The following ARID4B variants were observed in gnomAD, a reference collection of about 807,000 sequenced individuals.
ARID4B encodes the protein AT-rich interactive domain-containing protein 4B.
A neutral mutation model predicts 147.5 loss-of-function variants in ARID4B; 26 were observed. The ratio of observed to expected loss-of-function variants is 0.18; its 90% CI spans 0.13 to 0.24. The LOEUF (loss-of-function observed/expected upper bound fraction) is 0.24. ARID4B is among the 10% of genes least tolerant of loss of function. The probability of loss-of-function intolerance (pLI) is 1.00; values close to 1 mark genes in which losing one functional copy is unlikely to be tolerated. For synonymous variants in ARID4B, 512 were observed against 507.9 expected (o/e 1.01, Z -0.11); for missense variants, 1,179 against 1,511.5 (o/e 0.78, Z 3.65).
intron 19 of ARID4B, among the ~76,000 whole-genome samples, chr1:235,193,181 G>A (rs1665243315): frequency 6.6e-6 from 1 of 152,044 alleles, no homozygotes; most frequent in East Asian, 1.9e-4. Flanking sequence ...CCAATTGCTT[G>A]AGCCTAGGAG....
chr1:235,254,142 T>G (rs764203424), intron 5 of ARID4B, among the ~76,000 whole-genome samples: 6 of 152,156 alleles, frequency 3.9e-5, no homozygotes, highest in Non-Finnish European at 8.8e-5. Context: ...GTCTTCTCAC[T>G]TACATAAAGT....
At chr1:235,220,010 T>A in intron 15 of ARID4B, 42 bp from the exon 16 acceptor site, 1 of 1,333,862 alleles carries the variant, frequency 7.5e-7, no homozygotes, top group Non-Finnish European at 1.0e-6. Context: ...AAAGTAAAAA[T>A]TTTCAACCTA....
intron 2 of ARID4B, among the ~76,000 whole-genome samples, chr1:235,267,852 C>T (rs935723287): frequency 2.0e-5 from 3 of 151,158 alleles, no homozygotes; most frequent in South Asian, 2.1e-4. Context: ...TGCAGTGAGC[C>T]GAGATCGAGT....
intron 2 of ARID4B, among the ~76,000 whole-genome samples, chr1:235,265,934 C>A (rs1031276963): frequency 1.3e-5 from 2 of 151,782 alleles, no homozygotes; most frequent in Non-Finnish European, 2.9e-5. Flanking sequence ...ACCTGGGAGG[C>A]AATTGTTTTT....
At chr1:235,252,930 A>T (rs1669733632) in intron 5 of ARID4B, 121 bp from the exon 6 acceptor site, 1 of 671,310 alleles carries the variant, frequency 1.5e-6, no homozygotes, top group Admixed American at 3.5e-5. Context: ...TTTGGAATTC[A>T]ATTCACATTT....
chr1:235,185,826 CCTTT>C (rs1451038291), intron 19 of ARID4B, among the ~76,000 whole-genome samples: 2 of 152,062 alleles, frequency 1.3e-5, no homozygotes, highest in Non-Finnish European at 1.5e-5. Context: ...GTTTCTCATT[CCTTT>C]GTGGTGATTT....
intron 2 of ARID4B, among the ~76,000 whole-genome samples, chr1:235,303,884 G>A (rs1377613264): frequency 3.3e-5 from 5 of 152,082 alleles, no homozygotes; most frequent in African/African-American, 1.2e-4. Context: ...TGGTTATTTG[G>A]AGACATTTAG....
chr1:235,220,008 A>C, intron 15 of ARID4B, 40 bp from the exon 16 acceptor site: 1 of 1,356,912 alleles, frequency 7.4e-7, no homozygotes, highest in South Asian at 1.5e-5. Flanking sequence ...CAAAAGTAAA[A>C]ATTTTCAACC....
At chr1:235,325,217 T>A (rs1675136876) in intron 2 of ARID4B, among the ~76,000 whole-genome samples, 1 of 152,132 alleles carries the variant, frequency 6.6e-6, no homozygotes, top group African/African-American at 2.4e-5. Context: ...AAAAGCACCT[T>A]TTTAAAAAAT....
chr1:235,231,017 T>C, intron 10 of ARID4B, 96 bp downstream of exon 10: 2 of 847,336 alleles, frequency 2.4e-6, no homozygotes, highest in Non-Finnish European at 3.7e-6. Context: ...AAACATAATT[T>C]AAAGAAAAAT....
At position 235,180,137 on chromosome 1, in the gene ARID4B, CTTTT is replaced by C. The variant is rs1166842959; in HGVS notation, c.3334+1444_3334+1447del. The C allele has an allele frequency of 5.7e-3, 562 of 98,464 alleles. 7 individuals carry two copies. The highest frequency in any genetic ancestry group is 7.1e-3 in the Middle Eastern group (1 of 140). 6.1% of individuals were successfully genotyped at this position (98,464 alleles called of 1,614,324 possible). A position where few individuals can be genotyped will look rare whatever the true frequency, so the allele number is the denominator to read the frequency against. ...TTTTTTCTTTCTTTTCTTGTTTTTT[CTTTT>C]TTTTTTTTTTTTTTTTTTGAGACAG... On this transcript the variant is annotated intron_variant, in intron 20 of 23. Coordinates refer to ENST00000264183, the MANE Select transcript of ARID4B (RefSeq NM_016374.6).
At chr1:235,326,260 TCTC>T (rs1675252766) in intron 2 of ARID4B, among the ~76,000 whole-genome samples, 1 of 152,088 alleles carries the variant, frequency 6.6e-6, no homozygotes, top group African/African-American at 2.4e-5. Flanking sequence ...TTGACCCTAT[TCTC>T]CACTCAGTTA....
chr1:235,296,055 C>T (rs565912010), intron 2 of ARID4B: 2 of 161,136 alleles, frequency 1.2e-5, no homozygotes, highest in East Asian at 3.4e-4. Context: ...CCCAAATATC[C>T]TTGGAAGACT....
intron 7 of ARID4B, 124 bp downstream of exon 7, chr1:235,246,296 T>C: frequency 5.4e-6 from 4 of 737,924 alleles, no homozygotes; most frequent in Non-Finnish European, 4.5e-6. Context: ...AAATTACTAT[T>C]AGATCCGAAA....
chr1:235,318,147 T>C (rs900391426), intron 2 of ARID4B, among the ~76,000 whole-genome samples: 1 of 147,892 alleles, frequency 6.8e-6, no homozygotes, highest in African/African-American at 2.5e-5. Context: ...AAAAAGAGCA[T>C]AGTATTAACA....
At chr1:235,271,346 T>C (rs1013779361) in intron 2 of ARID4B, among the ~76,000 whole-genome samples, 1 of 151,852 alleles carries the variant, frequency 6.6e-6, no homozygotes, top group Non-Finnish European at 1.5e-5. Flanking sequence ...AAAAAAATGA[T>C]AGGTCGGATG....
intron 2 of ARID4B, among the ~76,000 whole-genome samples, chr1:235,292,856 G>A (rs1672428801): frequency 6.6e-6 from 1 of 152,160 alleles, no homozygotes; most frequent in Non-Finnish European, 1.5e-5. Flanking sequence ...CTGCTGAGCA[G>A]AAAACTGGAA....
chr1:235,219,733 G>C, intron 16 of ARID4B, 60 bp downstream of exon 16: 1 of 1,342,124 alleles, frequency 7.5e-7, no homozygotes, highest in Non-Finnish European at 1.0e-6. Context: ...CACATACAAA[G>C]AGCAAATGAT....
rs921150731 is a variant in ARID4B, at chr1:235,306,239, G to T, written c.6+20675C>A. The stretch of plus-strand genomic sequence containing the variant: ...GCCTACTAAAAAATAAGATTGTGCT[G>T]GCTGGGCACGGTGGCTCACTTTGGG... On this transcript the variant is annotated intron_variant, in intron 2 of 23. Transcript: ENST00000264183. 2.6e-5 allele frequency among the ~76,000 whole-genome samples: 4 copies of T among 152,190 alleles called. No homozygotes were observed. In the East Asian group the frequency reaches 7.7e-4, roughly 29 times the overall value.
Sources: gnomAD v4.1 joint callset for allele counts (sites outside exome capture counted in the v4.1 genomes callset) on GRCh38, gnomAD v4.1.1 for gene constraint, MANE v1.5 for transcripts, NCBI Gene and HGNC (gene_info 2026-07-23, HGNC 2026-07-21) for gene names.